Variants in EVX2 observed in about 807,000 individuals in gnomAD.
EVX2 encodes even-skipped homeobox 2.
In EVX2, 10 loss-of-function variants were observed where a neutral mutation model predicts 19.2. The ratio of observed to expected loss-of-function variants is 0.52; its 90% confidence interval spans 0.32 to 0.89. The LOEUF (loss-of-function observed/expected upper bound fraction) is 0.89, where lower values mean the gene tolerates loss of function less well. Among genes scored for constraint, EVX2 ranks in the 40% least tolerant of loss-of-function variants. EVX2 has a pLI of 0.03. For synonymous variants in EVX2, 354 were observed against 328.4 expected (o/e 1.08, Z -0.84); for missense variants, 710 against 694.9 (o/e 1.02, Z -0.24).
Position 176,083,756 on chromosome 2 carries a change from T to G in EVX2, c.21A>C (p.Lys7Asn). MMERIR[K>N]EMILMERGLH... ...GCCCTCTCTCCATCAGAATCATCTC[T>G]TTTCTTATTCTTTCCATCATCTCAG... is the stretch of plus-strand genomic sequence containing the variant. The change falls in exon 1 of 3, where the codon AAA becomes AAC. Residue 7 changes from lysine to asparagine, a missense_variant. Transcript: ENST00000308618. This position sits in a 1 kb window ranked among gnomAD's most constrained non-coding sequence, Gnocchi z 4.4. 6.2e-7 allele frequency: 1 copy of G among 1,611,826 alleles called. No individual in the cohort carries two copies. The highest frequency in any genetic ancestry group is 8.5e-7 in the Non-Finnish European group (1 of 1,179,104).
Position 176,080,014 on chromosome 2 carries a change from A to T in EVX2, c.*93T>A. 7.8e-7 allele frequency: 1 copy of T among 1,282,062 alleles called. No individual in the cohort carries two copies. The highest frequency in any genetic ancestry group is 1.0e-6 in the Non-Finnish European group (1 of 1,004,386). 79.4% of individuals were successfully genotyped at this position (1,282,062 alleles called of 1,614,324 possible). On this transcript the variant is annotated 3_prime_UTR_variant, in exon 3 of 3. Transcript: ENST00000308618. The surrounding 1 kb of genome is among the most constrained non-coding windows in gnomAD (Gnocchi z 7.0). The stretch of plus-strand genomic sequence containing the variant: ...GGCGCCCCCTGGCGGCAGCGGCAGC[A>T]GCGGGCAACGCGCGGAGGGCTCAGG...
Position 176,082,019 on chromosome 2 carries a change from G to A in EVX2, c.699+159C>T, listed in dbSNP as rs1269857611. The stretch of plus-strand genomic sequence containing the variant: ...GCCGGACAACCGTTCGGATTCGGTG[G>A]CCGGGAAATAAATAAGCCAATTCCT... On this transcript the variant is annotated intron_variant, in intron 2 of 2. Transcript: ENST00000308618. This position sits in a 1 kb window ranked among gnomAD's most constrained non-coding sequence, Gnocchi z 5.2. 6.6e-6 allele frequency among the ~76,000 whole-genome samples: 1 copy of A among 152,222 alleles called. No homozygotes were observed. The highest frequency in any genetic ancestry group is 1.5e-5 in the Non-Finnish European group (1 of 68,038).
Position 176,080,068 on chromosome 2 carries a change from C to T in EVX2, c.*39G>A, listed in dbSNP as rs760426113. ...CGCACAGGGGACTCCCGGGCACACT[C>T]AGAGAGGCGGGCGCGGCCCCCTGGC... is the stretch of plus-strand genomic sequence containing the variant. On this transcript the variant is annotated 3_prime_UTR_variant, in exon 3 of 3. Transcript: ENST00000308618. The surrounding 1 kb of genome is among the most constrained non-coding windows in gnomAD (Gnocchi z 7.0). 1 of 1,514,648 alleles carries T rather than the reference C, an allele frequency of 6.6e-7. No individual in the cohort carries two copies. 93.8% of individuals were successfully genotyped at this position (1,514,648 alleles called of 1,614,324 possible). A position where few individuals can be genotyped will look rare whatever the true frequency, so the allele number is the denominator to read the frequency against.
In EVX2 at chr2:176,083,606, G is replaced by C. The variant is rs779555868; in HGVS notation, c.171C>G (p.Pro57=). Residue 57 remains proline (P), a synonymous_variant, in exon 1 of 3, where the codon CCC becomes CCG. Transcript: ENST00000308618. The surrounding 1 kb of genome is among the most constrained non-coding windows in gnomAD (Gnocchi z 4.4). ...GGAGTTCTCCCAGAGCGCTGTGCAGGGGGGCAGACGGCAGGCGCGGGCTTA... is the reference window on the plus strand; with the variant it reads ...GGAGTTCTCCCAGAGCGCTGTGCAGCGGGGCAGACGGCAGGCGCGGGCTTA... ...ARLSPRLPSA[P]LHSALGELPA... The C allele has an allele frequency of 1.4e-5, 23 of 1,614,212 alleles. No individual in the cohort carries two copies. The South Asian group carries it at 1.8e-4, about 12-fold the overall frequency.
In EVX2 at chr2:176,082,659, A is replaced by G. The variant is rs1167054634; in HGVS notation, c.428-210T>C. ...CAAATAATAGAAACGGAATTAGGAG[A>G]TTTCTTTTTTAATAATTAGAAATTT... On this transcript the variant is annotated intron_variant, in intron 1 of 2. Coordinates refer to ENST00000308618, the MANE Select transcript of EVX2 (RefSeq NM_001080458.2). This position sits in a 1 kb window ranked among gnomAD's most constrained non-coding sequence, Gnocchi z 5.2. Among the ~76,000 whole-genome samples, 1 of 152,120 alleles carries G rather than the reference A, an allele frequency of 6.6e-6. No homozygotes were observed. Among genetic ancestry groups the G allele is most frequent in the Non-Finnish European group, 1.5e-5 (1 of 68,022 alleles).
In EVX2 at chr2:176,082,787, A is replaced by G. The variant is rs1023559764; in HGVS notation, c.428-338T>C. Among the ~76,000 whole-genome samples, 2 of 152,198 alleles carry G rather than the reference A, an allele frequency of 1.3e-5. No homozygotes were observed. Among genetic ancestry groups the G allele is most frequent in the African/African-American group, 2.4e-5 (1 of 41,436 alleles). On this transcript the variant is annotated intron_variant, in intron 1 of 2. Coordinates refer to ENST00000308618, the MANE Select transcript of EVX2 (RefSeq NM_001080458.2). The surrounding 1 kb of genome is among the most constrained non-coding windows in gnomAD (Gnocchi z 5.2). ...TCTGGAGACCGCAGGGCAGCTTTTT[A>G]TACGGCCTCTAACCTTTATCTGAGT...
In EVX2 at chr2:176,078,285, A is replaced by G. The variant is rs1469544166; in HGVS notation, c.*1822T>C. 1 of 152,232 alleles carries G rather than the reference A, an allele frequency of 6.6e-6. No homozygotes were observed. Among genetic ancestry groups the G allele is most frequent in the Non-Finnish European group, 1.5e-5 (1 of 68,044 alleles). The allele number at this position is 152,232 out of a possible 1,614,324, so 9.4% of individuals were successfully genotyped here. On this transcript the variant is annotated 3_prime_UTR_variant, in exon 3 of 3. Coordinates refer to ENST00000308618, the MANE Select transcript of EVX2 (RefSeq NM_001080458.2). ...TGTATTTAAGAGCACGGATATATATATGCATATACATACATATACATATAT... is the reference window on the plus strand; with the variant it reads ...TGTATTTAAGAGCACGGATATATATGTGCATATACATACATATACATATAT...
Position 176,080,414 on chromosome 2 carries a change from G to A in EVX2, c.1124C>T (p.Ala375Val), listed in dbSNP as rs1346479316. Reference protein sequence around the residue: ...AAAAAASSAAAAGAPPSGGSA... With the variant: ...AAAAAASSAAVAGAPPSGGSA... Reference sequence around the variant, plus strand: ...GCCGCCGCTGGGGGGCGCGCCGGCCGCCGCCGCCGAGGAGGCCGCAGCCGC... The same window carrying A: ...GCCGCCGCTGGGGGGCGCGCCGGCCACCGCCGCCGAGGAGGCCGCAGCCGC... The change falls in exon 3 of 3, where the codon GCG (alanine) becomes GTG (valine). Residue 375 changes from alanine (A) to valine (V), a missense_variant. Coordinates refer to ENST00000308618, the MANE Select transcript of EVX2 (RefSeq NM_001080458.2). The surrounding 1 kb of genome is among the most constrained non-coding windows in gnomAD (Gnocchi z 7.0). The A allele has an allele frequency of 3.7e-6, 4 of 1,073,872 alleles. No individual in the cohort carries two copies. Among genetic ancestry groups the A allele is most frequent in the Non-Finnish European group, 3.4e-6 (3 of 888,474 alleles). 66.5% of individuals were successfully genotyped at this position (1,073,872 alleles called of 1,614,324 possible). A position where few individuals can be genotyped will look rare whatever the true frequency, so the allele number is the denominator to read the frequency against.
In EVX2 at chr2:176,078,928, C is replaced by T. The variant is rs1026944701; in HGVS notation, c.*1179G>A. On this transcript the variant is annotated 3_prime_UTR_variant, in exon 3 of 3. Coordinates refer to ENST00000308618, the MANE Select transcript of EVX2 (RefSeq NM_001080458.2). ...AGTTCAAGGAAACCCCTCCAGTAGCCGGGTTGGCAGAGCGGGTCTCAGCAA... is the reference window on the plus strand; with the variant it reads ...AGTTCAAGGAAACCCCTCCAGTAGCTGGGTTGGCAGAGCGGGTCTCAGCAA... The T allele has an allele frequency of 1.3e-5, 2 of 152,178 alleles. No individual in the cohort carries two copies. Among genetic ancestry groups the T allele is most frequent in the Non-Finnish European group, 2.9e-5 (2 of 68,042 alleles). The allele number at this position is 152,178 out of a possible 1,614,324, so 9.4% of individuals were successfully genotyped here.
rs1689149592 is a variant in EVX2 at position 176,081,782 on chromosome 2, G to T, written c.699+396C>A. Among the ~76,000 whole-genome samples, 1 of 152,094 alleles carries T rather than the reference G, an allele frequency of 6.6e-6. No individual in the cohort carries two copies. Among genetic ancestry groups the T allele is most frequent in the Admixed American group, 6.5e-5 (1 of 15,280 alleles). On this transcript the variant is annotated intron_variant, in intron 2 of 2. Transcript: ENST00000308618. The surrounding 1 kb of genome is among the most constrained non-coding windows in gnomAD (Gnocchi z 5.9). ...CTTTTCTCCGTGTAACGATTTATGCGGAAAATAAATCTCCAAGCTCAAGAG... is the reference window on the plus strand; with the variant it reads ...CTTTTCTCCGTGTAACGATTTATGCTGAAAATAAATCTCCAAGCTCAAGAG...
In EVX2 at chr2:176,080,233, C is replaced by G. The variant is rs577351789; in HGVS notation, c.1305G>C (p.Ser435=). ...GCGCCGCCGCGCTGCAGCCGAAGTC[C>G]GAGCCTCCCCCGGCCCCGGCGCCCC... is the stretch of plus-strand genomic sequence containing the variant. ...GGGGAGAGGG[S]DFGCSAAAPR... The change falls in exon 3 of 3, where the codon TCG becomes TCC. Residue 435 remains serine (S), a synonymous_variant. Transcript: ENST00000308618. The surrounding 1 kb of genome is among the most constrained non-coding windows in gnomAD (Gnocchi z 7.0). 1.8e-4 allele frequency: 250 copies of G among 1,414,718 alleles called. No homozygotes were observed. The African/African-American group carries it at 3.6e-3, about 20-fold the overall frequency. The allele number at this position is 1,414,718 out of a possible 1,614,324, so 87.6% of individuals were successfully genotyped here.
rs887541267 is a variant in EVX2, at chr2:176,081,179, A to G, written c.700-341T>C. Reference sequence around the variant, plus strand: ...CCCACCAGTGCCGGTCTCGCTGAGCACCCGTCTCTCAATCCCAGGATTTGT... The same window carrying G: ...CCCACCAGTGCCGGTCTCGCTGAGCGCCCGTCTCTCAATCCCAGGATTTGT... On this transcript the variant is annotated intron_variant, in intron 2 of 2. Coordinates refer to ENST00000308618, the MANE Select transcript of EVX2 (RefSeq NM_001080458.2). The surrounding 1 kb of genome is among the most constrained non-coding windows in gnomAD (Gnocchi z 5.9). 1.3e-5 allele frequency among the ~76,000 whole-genome samples: 2 copies of G among 151,856 alleles called. No homozygotes were observed. The highest frequency in any genetic ancestry group is 4.8e-5 in the African/African-American group (2 of 41,338).
Position 176,078,305 on chromosome 2 carries a change from A to C in EVX2, c.*1802T>G, listed in dbSNP as rs1366501449. The stretch of plus-strand genomic sequence containing the variant: ...TATATATGCATATACATACATATAC[A>C]TATATATACACATACACAAACACAT... On this transcript the variant is annotated 3_prime_UTR_variant, in exon 3 of 3. Coordinates refer to ENST00000308618, the MANE Select transcript of EVX2 (RefSeq NM_001080458.2). The C allele has an allele frequency of 6.6e-6, 1 of 152,208 alleles. No individual in the cohort carries two copies. The highest frequency in any genetic ancestry group is 2.4e-5 in the African/African-American group (1 of 41,466). The allele number at this position is 152,208 out of a possible 1,614,324, so 9.4% of individuals were successfully genotyped here.
Position 176,081,187 on chromosome 2 carries a change from C to T in EVX2, c.700-349G>A, listed in dbSNP as rs1438740603. 1.3e-5 allele frequency among the ~76,000 whole-genome samples: 2 copies of T among 152,186 alleles called. No homozygotes were observed. The highest frequency in any genetic ancestry group is 4.8e-5 in the African/African-American group (2 of 41,444). ...TGCCGGTCTCGCTGAGCACCCGTCT[C>T]TCAATCCCAGGATTTGTACGGGGAT... is the stretch of plus-strand genomic sequence containing the variant. On this transcript the variant is annotated intron_variant, in intron 2 of 2. Coordinates refer to ENST00000308618, the MANE Select transcript of EVX2 (RefSeq NM_001080458.2). The surrounding 1 kb of genome is among the most constrained non-coding windows in gnomAD (Gnocchi z 5.9).
rs750697411 is a variant in EVX2, at chr2:176,080,522, C to A, written c.1016G>T (p.Arg339Leu). The A allele has an allele frequency of 1.4e-6, 2 of 1,479,048 alleles. No individual in the cohort carries two copies. Among genetic ancestry groups the A allele is most frequent in the Admixed American group, 2.5e-5 (1 of 39,320 alleles). 91.6% of individuals were successfully genotyped at this position (1,479,048 alleles called of 1,614,324 possible). Reference protein sequence around the residue: ...YSRPELLCSFRHPGLYQAPAA... With the variant: ...YSRPELLCSFLHPGLYQAPAA... ...GGGAGCCTGGTAGAGACCAGGGTGGCGGAAGCTACACAGCAGCTCCGGCCG... is the reference window on the plus strand; with the variant it reads ...GGGAGCCTGGTAGAGACCAGGGTGGAGGAAGCTACACAGCAGCTCCGGCCG... The change falls in exon 3 of 3, where the codon CGC becomes CTC. Residue 339 changes from arginine (R) to leucine (L), a missense_variant. Arg to Leu is a moderately radical substitution (Grantham distance 102, BLOSUM62 -2). Transcript: ENST00000308618. The surrounding 1 kb of genome is among the most constrained non-coding windows in gnomAD (Gnocchi z 7.0).
chr2:176,080,478 T>C lies in EVX2; in HGVS notation c.1060A>G (p.Asn354Asp). The change falls in exon 3 of 3, where the codon AAC (asparagine) becomes GAC (aspartate). Residue 354 changes from asparagine to aspartate, a missense_variant. By Grantham distance (23) the Asn-to-Asp change is conservative. Coordinates refer to ENST00000308618, the MANE Select transcript of EVX2 (RefSeq NM_001080458.2). This position sits in a 1 kb window ranked among gnomAD's most constrained non-coding sequence, Gnocchi z 7.0. ...YQAPAAAAGL[N>D]SAASAAAAAA... ...GCTGCCGCGGCAGAGGCCGCGCTGT[T>C]GAGCCCCGCGGCGGCCGCGGGAGCC... The C allele has an allele frequency of 7.6e-7, 1 of 1,310,398 alleles. No homozygotes were observed. Among genetic ancestry groups the C allele is most frequent in the Non-Finnish European group, 9.7e-7 (1 of 1,034,106 alleles). The allele number at this position is 1,310,398 out of a possible 1,614,324, so 81.2% of individuals were successfully genotyped here.
rs763179583 is a variant in EVX2 at position 176,080,665 on chromosome 2, G to A, written c.873C>T (p.Gly291=). Residue 291 remains glycine (G), a synonymous_variant, in exon 3 of 3, where the codon GGC becomes GGT. Transcript: ENST00000308618. The surrounding 1 kb of genome is among the most constrained non-coding windows in gnomAD (Gnocchi z 7.0). ...HVPLHYYPHV[G]VTAAAAAAAA... ...CAGCCGCGGCCGCCGCCGCCGTGAC[G>A]CCCACGTGCGGGTAGTAGTGCAGCG... 2.5e-6 allele frequency: 4 copies of A among 1,586,318 alleles called. No homozygotes were observed. The highest frequency in any genetic ancestry group is 1.7e-4 in the Middle Eastern group (1 of 5,848).
rs1477422294 is a variant in EVX2, at chr2:176,082,513, G to A, written c.428-64C>T. 1 of 1,482,062 alleles carries A rather than the reference G, an allele frequency of 6.7e-7. No individual in the cohort carries two copies. The highest frequency in any genetic ancestry group is 8.9e-7 in the Non-Finnish European group (1 of 1,119,520). The allele number at this position is 1,482,062 out of a possible 1,614,324, so 91.8% of individuals were successfully genotyped here. A position where few individuals can be genotyped will look rare whatever the true frequency, so the allele number is the denominator to read the frequency against. The stretch of plus-strand genomic sequence containing the variant: ...GGACCAACAGCCCGGCGCTGGCGCT[G>A]CGCGCGGATCGGGGAAGCCCCGTCA... On this transcript the variant is annotated intron_variant, in intron 1 of 2. Transcript: ENST00000308618. This position sits in a 1 kb window ranked among gnomAD's most constrained non-coding sequence, Gnocchi z 5.2.
rs1689083204 is a variant in EVX2 at position 176,078,366 on chromosome 2, A to G, written c.*1741T>C. 6.6e-6 allele frequency: 1 copy of G among 152,224 alleles called. No individual in the cohort carries two copies. The highest frequency in any genetic ancestry group is 2.4e-5 in the African/African-American group (1 of 41,460). The allele number at this position is 152,224 out of a possible 1,614,324, so 9.4% of individuals were successfully genotyped here. A position where few individuals can be genotyped will look rare whatever the true frequency, so the allele number is the denominator to read the frequency against. ...TACCTACATTTTAATACACGTACAC[A>G]CACATACCCACTTCGCTGGGTCTAA... On this transcript the variant is annotated 3_prime_UTR_variant, in exon 3 of 3. Coordinates refer to ENST00000308618, the MANE Select transcript of EVX2 (RefSeq NM_001080458.2).
Sources: gnomAD v4.1 joint callset for allele counts (sites outside exome capture counted in the v4.1 genomes callset) on GRCh38, gnomAD v4.1.1 for gene constraint, Gnocchi (gnomAD v3.1) non-coding constraint, MANE v1.5 for transcripts, NCBI Gene and HGNC (gene_info 2026-07-23, HGNC 2026-07-21) for gene names.